ITPR2: variants seen among roughly 807,000 people sequenced by gnomAD.
ITPR2 encodes the protein inositol 1,4,5-trisphosphate-gated calcium channel ITPR2.
ITPR2 carries 207 observed loss-of-function variants against 317.1 expected under a neutral mutation model. The ratio of observed to expected loss-of-function variants is 0.65; its 90% CI spans 0.58 to 0.73. The LOEUF (loss-of-function observed/expected upper bound fraction) is 0.73, where lower values mean the gene tolerates loss of function less well. Among genes scored for constraint, ITPR2 ranks in the 30% least tolerant of loss-of-function variants. The pLI, the probability that ITPR2 is intolerant of heterozygous loss-of-function variation, is 0.00. For missense variants in ITPR2, 2,613 were observed against 3,284.0 expected (o/e 0.80, Z 4.99); for synonymous variants, 1,156 against 1,149.1 (o/e 1.01, Z -0.12).
intron 34 of ITPR2, among the ~76,000 whole-genome samples, chr12:26,578,010 A>G (rs373470849): frequency 6.6e-6 from 1 of 152,220 alleles, no homozygotes; most frequent in East Asian, 1.9e-4. Context: ...ATGAAGACTG[A>G]TAATGAAATA....
At chr12:26,506,313 G>A (rs1298797084) in intron 37 of ITPR2, among the ~76,000 whole-genome samples, 3 of 151,758 alleles carry the variant, frequency 2.0e-5, no homozygotes, top group African/African-American at 4.8e-5. Context: ...GTTTACGACT[G>A]GCCTGGGAAA....
chr12:26,507,955 T>C (rs1208041146), intron 37 of ITPR2, among the ~76,000 whole-genome samples: 1 of 152,018 alleles, frequency 6.6e-6, no homozygotes, highest in African/African-American at 2.4e-5. Context: ...TGGATATTGA[T>C]GCATATTTGT....
intron 22 of ITPR2, among the ~76,000 whole-genome samples, chr12:26,629,621 T>C (rs1165406483): frequency 6.6e-6 from 1 of 151,878 alleles, no homozygotes; most frequent in Non-Finnish European, 1.5e-5. Context: ...CCAGTTTAAA[T>C]TCTTTTTTAA....
chr12:26,776,299 T>C (rs1271173501), intron 2 of ITPR2, among the ~76,000 whole-genome samples: 1 of 152,170 alleles, frequency 6.6e-6, no homozygotes, highest in Non-Finnish European at 1.5e-5. Flanking sequence ...TGAAGTTGGT[T>C]GGTTGCTCCT....
intron 28 of ITPR2, among the ~76,000 whole-genome samples, chr12:26,602,094 C>A (rs376119560): frequency 1.3e-5 from 2 of 151,962 alleles, no homozygotes; most frequent in Admixed American, 6.6e-5. Context: ...AAGTCGAAAA[C>A]AATTGGGACA....
intron 37 of ITPR2, among the ~76,000 whole-genome samples, chr12:26,539,105 C>A (rs1233312842): frequency 6.6e-6 from 1 of 152,182 alleles, no homozygotes; most frequent in Non-Finnish European, 1.5e-5. Context: ...TGCAAATATT[C>A]TCTGTGAGGA....
At chr12:26,560,513 G>A (rs1944786651) in intron 35 of ITPR2, among the ~76,000 whole-genome samples, 1 of 151,996 alleles carries the variant, frequency 6.6e-6, no homozygotes, top group Non-Finnish European at 1.5e-5. Context: ...AATCATCGGG[G>A]CCTCTTAAAC....
At chr12:26,763,509 G>C (rs967681829) in intron 2 of ITPR2, among the ~76,000 whole-genome samples, 3 of 152,122 alleles carry the variant, frequency 2.0e-5, no homozygotes, top group Non-Finnish European at 4.4e-5. Context: ...AAAGGGGATG[G>C]TTAACACAAA....
intron 37 of ITPR2, among the ~76,000 whole-genome samples, chr12:26,545,421 T>C (rs1278639396): frequency 2.6e-5 from 4 of 152,022 alleles, no homozygotes; most frequent in African/African-American, 9.7e-5. Context: ...GGTACTACAC[T>C]ACCGGCTTTA....
intron 45 of ITPR2, among the ~76,000 whole-genome samples, chr12:26,465,077 TG>T (rs1273701629): frequency 6.6e-6 from 1 of 152,216 alleles, no homozygotes. Context: ...TAAAGTCATG[TG>T]ACTAAGTGAC....
intron 40 of ITPR2, 34 bp downstream of exon 40, chr12:26,487,034 C>G (rs2136851078): frequency 6.4e-7 from 1 of 1,568,610 alleles, no homozygotes; most frequent in Non-Finnish European, 8.8e-7. Flanking sequence ...TTTTCTCTCA[C>G]TCTGTTCTCC....
intron 54 of ITPR2, among the ~76,000 whole-genome samples, chr12:26,395,040 G>A (rs1473731048): frequency 6.6e-6 from 1 of 152,138 alleles, no homozygotes; most frequent in Non-Finnish European, 1.5e-5. Flanking sequence ...TTGGCTGCCG[G>A]GAAGACATGC....
At chr12:26,569,253 A>AC (rs1682745184) in intron 34 of ITPR2, among the ~76,000 whole-genome samples, 3 of 152,162 alleles carry the variant, frequency 2.0e-5, no homozygotes, top group South Asian at 4.1e-4. Context: ...TCAAATGACA[A>AC]ATGGCAAGAA....
chr12:26,820,089 C>T (rs572492431), intron 1 of ITPR2, among the ~76,000 whole-genome samples: 1 of 151,972 alleles, frequency 6.6e-6, no homozygotes, highest in Non-Finnish European at 1.5e-5. Context: ...AAAGAAAAGG[C>T]CATGTACATT....
intron 13 of ITPR2, among the ~76,000 whole-genome samples, chr12:26,670,892 C>T (rs574712232): frequency 1.3e-5 from 2 of 152,014 alleles, no homozygotes; most frequent in East Asian, 3.9e-4. Context: ...TCGAGAACTA[C>T]CTGAAGAATG....
chr12:26,558,908 T>C (rs1944737615), intron 35 of ITPR2, among the ~76,000 whole-genome samples: 1 of 152,192 alleles, frequency 6.6e-6, no homozygotes, highest in Non-Finnish European at 1.5e-5. Context: ...CAGCCTCAAA[T>C]TCTTTCTCTC....
At chr12:26,567,987 TA>T (rs1397909327) in intron 34 of ITPR2, among the ~76,000 whole-genome samples, 8 of 17,598 alleles carry the variant, frequency 4.5e-4, no homozygotes, top group African/African-American at 1.2e-3. Flanking sequence ...ATTATATATA[TA>T]TATATATATT....
In ITPR2 at chr12:26,605,122, T is replaced by TAA. The variant is rs1365014811; in HGVS notation, c.3463-2418_3463-2417dup. Among the ~76,000 whole-genome samples, 771 of 81,954 alleles carry TAA rather than the reference T, an allele frequency of 9.4e-3. 19 individuals carry two copies. The highest frequency in any genetic ancestry group is 0.034 in the African/African-American group (733 of 21,360). The allele number at this position is 81,954 out of a possible 152,430, so 53.8% of individuals were successfully genotyped here. ...AAAAATAAAAATAAAAAATAAAAAA[T>TAA]AAAAATATATATATATATATGAGAA... On this transcript the variant is annotated intron_variant, in intron 26 of 56. Transcript: ENST00000381340.
At chr12:26,680,085 T>C (rs1948000077) in intron 13 of ITPR2, among the ~76,000 whole-genome samples, 1 of 152,118 alleles carries the variant, frequency 6.6e-6, no homozygotes. Flanking sequence ...ATTTTATTTA[T>C]ATGTGCACTT....
Sources: gnomAD v4.1 joint callset for allele counts (sites outside exome capture counted in the v4.1 genomes callset) on GRCh38, gnomAD v4.1.1 for gene constraint, MANE v1.5 for transcripts, NCBI Gene and HGNC (gene_info 2026-07-23, HGNC 2026-07-21) for gene names.